KCNIP4: variants seen among roughly 807,000 people sequenced by gnomAD.
KCNIP4 encodes Kv channel-interacting protein 4.
KCNIP4 carries 12 observed loss-of-function variants against 34.0 expected under a neutral mutation model. The ratio of observed to expected loss-of-function variants is 0.35; its 90% CI spans 0.23 to 0.57. KCNIP4 has a LOEUF of 0.57. Ranked by LOEUF, KCNIP4 falls within the 20% of genes least tolerant of loss-of-function variation. The pLI is 0.83. For synonymous variants in KCNIP4, 124 were observed against 102.2 expected, an observed-to-expected ratio of 1.21 and a Z score of -1.29; for missense variants, 238 against 311.7, an observed-to-expected ratio of 0.76 and a Z score of 1.78.
chr4:21,178,825 T>G (rs538243399), intron 1 of KCNIP4, among the ~76,000 whole-genome samples: 348 of 151,420 alleles, frequency 2.3e-3, no homozygotes, highest in African/African-American at 6.7e-3. Flanking sequence ...CTTTTTTTTT[T>G]TTTTTTTTTG....
At chr4:20,844,430 C>A (rs1044460943) in intron 3 of KCNIP4, among the ~76,000 whole-genome samples, 2 of 152,166 alleles carry the variant, frequency 1.3e-5, no homozygotes, top group Non-Finnish European at 2.9e-5. Flanking sequence ...CCAATTATTA[C>A]CCACCCTCCT....
chr4:20,891,576 G>A (rs999753921), intron 1 of KCNIP4, among the ~76,000 whole-genome samples: 1 of 152,124 alleles, frequency 6.6e-6, no homozygotes, highest in Non-Finnish European at 1.5e-5. Context: ...CGGCACTCTA[G>A]CCTGGAGACA....
chr4:21,145,735 T>A (rs552328678), intron 1 of KCNIP4, among the ~76,000 whole-genome samples: 82 of 152,318 alleles, frequency 5.4e-4, no homozygotes, highest in Admixed American at 1.2e-3. Flanking sequence ...ATGTGCCTGA[T>A]GAGAATCACT....
chr4:21,122,264 CT>C lies in KCNIP4; in HGVS notation c.62-239556del, dbSNP rs1750227165. Among the ~76,000 whole-genome samples the C allele has an allele frequency of 8.7e-5, 13 of 149,910 alleles. No individual in the cohort carries two copies. In the Admixed American group the frequency reaches 8.7e-4, roughly 10 times the overall value. On this transcript the variant is annotated intron_variant, in intron 1 of 8. Coordinates refer to ENST00000382152, the MANE Select transcript of KCNIP4 (RefSeq NM_025221.6). ...TAAATTGCTCTTGTAGGAATCATTT[CT>C]CAACCAAAACAATGTAGCCTAAAGA...
At chr4:21,679,979 A>C (rs1005017949) in intron 1 of KCNIP4, among the ~76,000 whole-genome samples, 10 of 152,222 alleles carry the variant, frequency 6.6e-5, no homozygotes, top group African/African-American at 2.4e-4. Flanking sequence ...TGGCTGCTGA[A>C]GTTTGAGGTG....
intron 2 of KCNIP4, among the ~76,000 whole-genome samples, chr4:20,863,309 C>G (rs1022045145): frequency 1.3e-5 from 2 of 151,794 alleles, no homozygotes; most frequent in Non-Finnish European, 2.9e-5. Context: ...GTCTTCTGTT[C>G]CTGAGTGGGA....
intron 1 of KCNIP4, among the ~76,000 whole-genome samples, chr4:20,984,602 C>G (rs933977543): frequency 2.0e-5 from 3 of 152,178 alleles, no homozygotes; most frequent in Non-Finnish European, 4.4e-5. Flanking sequence ...CTTTGTCAAA[C>G]GAGAACACCT....
intron 1 of KCNIP4, among the ~76,000 whole-genome samples, chr4:21,483,238 T>C (rs1731597181): frequency 6.6e-6 from 1 of 151,464 alleles, no homozygotes; most frequent in African/African-American, 2.4e-5. Flanking sequence ...TAAATATATA[T>C]ATATATAAAG....
chr4:21,169,638 T>C (rs886163855), intron 1 of KCNIP4, among the ~76,000 whole-genome samples: 3 of 151,610 alleles, frequency 2.0e-5, no homozygotes, highest in Non-Finnish European at 2.9e-5. Context: ...GGGTTTCATA[T>C]GTATGTAGTC....
intron 1 of KCNIP4, among the ~76,000 whole-genome samples, chr4:21,027,044 T>G (rs78685307): frequency 1.2e-3 from 178 of 152,348 alleles, no homozygotes; most frequent in African/African-American, 4.1e-3. Context: ...TTATTCTGAC[T>G]GTGTTGAGAA....
intron 1 of KCNIP4, among the ~76,000 whole-genome samples, chr4:21,855,338 T>G (rs1317868248): frequency 6.6e-6 from 1 of 152,246 alleles, no homozygotes; most frequent in African/African-American, 2.4e-5. Context: ...CAATCTGTTT[T>G]ACAAAATCAC....
At position 20,941,126 on chromosome 4, in the gene KCNIP4, G is replaced by T. The variant is rs115553061; in HGVS notation, c.62-58417C>A. ...AGAGTTGACATGCACCTACTGGATAGGAAAGCCTAAAAGAACTAAACACAT... is the reference window on the plus strand; with the variant it reads ...AGAGTTGACATGCACCTACTGGATATGAAAGCCTAAAAGAACTAAACACAT... On this transcript the variant is annotated intron_variant, in intron 1 of 8. Transcript: ENST00000382152. Among the ~76,000 whole-genome samples the T allele has an allele frequency of 2.5e-3, 384 of 152,294 alleles. 6 individuals are homozygous for T. The highest frequency in any genetic ancestry group is 8.8e-3 in the African/African-American group (366 of 41,564).
chr4:20,747,018 A>G lies in KCNIP4; in HGVS notation c.429+2644T>C, dbSNP rs1350012615. Among the ~76,000 whole-genome samples the G allele has an allele frequency of 3.9e-5, 6 of 152,346 alleles. No homozygotes were observed. The South Asian group carries it at 1.2e-3, about 32-fold the overall frequency. Reference sequence around the variant, plus strand: ...TAGTTTTAAATTTGATTTTCATTCAAACTTTATTAATTTAGCCATTAGTTT... The same window carrying G: ...TAGTTTTAAATTTGATTTTCATTCAGACTTTATTAATTTAGCCATTAGTTT... On this transcript the variant is annotated intron_variant, in intron 5 of 8. Transcript: ENST00000382152.
chr4:21,434,766 G>C (rs545464634), intron 1 of KCNIP4, among the ~76,000 whole-genome samples: 1 of 132,162 alleles, frequency 7.6e-6, no homozygotes. Flanking sequence ...CCCTGTCTGT[G>C]GGGGGAAAAA....
intron 1 of KCNIP4, among the ~76,000 whole-genome samples, chr4:21,572,586 T>C (rs1267125872): frequency 6.6e-6 from 1 of 151,998 alleles, no homozygotes; most frequent in East Asian, 1.9e-4. Flanking sequence ...ACATTTTATA[T>C]AGCAACATTG....
intron 1 of KCNIP4, among the ~76,000 whole-genome samples, chr4:21,096,284 T>C (rs1467721306): frequency 6.6e-6 from 1 of 152,162 alleles, no homozygotes; most frequent in Non-Finnish European, 1.5e-5. Context: ...TTCACTTGCA[T>C]AGAAAAAAAA....
At chr4:21,027,223 G>T (rs1453514143) in intron 1 of KCNIP4, among the ~76,000 whole-genome samples, 1 of 152,144 alleles carries the variant, frequency 6.6e-6, no homozygotes, top group Non-Finnish European at 1.5e-5. Context: ...TGGCCTGTGG[G>T]TTGGCTGTCA....
chr4:20,934,234 A>G lies in KCNIP4; in HGVS notation c.62-51525T>C, dbSNP rs571571416. Among the ~76,000 whole-genome samples, 8 of 152,256 alleles carry G rather than the reference A, an allele frequency of 5.3e-5. No homozygotes were observed. In the East Asian group the frequency reaches 1.3e-3, roughly 26 times the overall value. On this transcript the variant is annotated intron_variant, in intron 1 of 8. Transcript: ENST00000382152. ...GTTTTTCTGCCTCATAAACACACGT[A>G]CCCACATATTCAGTCAGCTCCTCCT...
chr4:21,247,604 G>A, intron 1 of KCNIP4, among the ~76,000 whole-genome samples: 1 of 110,834 alleles, frequency 9.0e-6, no homozygotes, highest in African/African-American at 4.2e-5. Context: ...CACCACAGAT[G>A]GTATATATAT....
Sources: gnomAD v4.1 joint callset for allele counts (sites outside exome capture counted in the v4.1 genomes callset) on GRCh38, gnomAD v4.1.1 for gene constraint, MANE v1.5 for transcripts, NCBI Gene and HGNC (gene_info 2026-07-23, HGNC 2026-07-21) for gene names.